DOCK3: variants seen among roughly 807,000 people sequenced by gnomAD.
DOCK3 encodes dedicator of cytokinesis protein 3.
Under a neutral mutation model 265.6 loss-of-function variants are expected in DOCK3, and 60 were observed. The observed-to-expected ratio is 0.23, with a 90% CI of 0.18 to 0.28. The LOEUF is 0.28. Ranked by LOEUF, DOCK3 falls within the 10% of genes least tolerant of loss-of-function variation. The pLI is 1.00. For missense variants in DOCK3, 1,981 were observed against 2,594.3 expected (o/e 0.76, Z 5.14); for synonymous variants, 881 against 938.0 (o/e 0.94, Z 1.11).
chr3:51,267,695 C>A (rs577419243), intron 23 of DOCK3, among the ~76,000 whole-genome samples: 1 of 152,044 alleles, frequency 6.6e-6, no homozygotes, highest in Non-Finnish European at 1.5e-5. Flanking sequence ...CACACACATA[C>A]GTTTATTGCA....
chr3:50,826,663 A>G (rs2044774309), intron 2 of DOCK3, among the ~76,000 whole-genome samples: 1 of 152,192 alleles, frequency 6.6e-6, no homozygotes, highest in Non-Finnish European at 1.5e-5. Flanking sequence ...ATATCCTCTG[A>G]GAGATAAAGG....
intron 49 of DOCK3, among the ~76,000 whole-genome samples, chr3:51,370,818 C>T (rs924508530): frequency 6.6e-6 from 1 of 152,226 alleles, no homozygotes; most frequent in African/African-American, 2.4e-5. Context: ...CACTTGGTGT[C>T]AGATGTCACT....
At chr3:50,745,333 C>G (rs1553645376) in intron 1 of DOCK3, among the ~76,000 whole-genome samples, 1 of 152,104 alleles carries the variant, frequency 6.6e-6, no homozygotes, top group Non-Finnish European at 1.5e-5. Context: ...GGCTGAGCCA[C>G]CGTGCCCGGT....
intron 5 of DOCK3, among the ~76,000 whole-genome samples, chr3:50,984,354 A>G (rs1245716010): frequency 2.0e-5 from 3 of 152,202 alleles, no homozygotes; most frequent in Non-Finnish European, 2.9e-5. Context: ...ATGATGGTAC[A>G]TACCATCCTT....
At chr3:51,278,572 T>C in intron 26 of DOCK3, 1 of 983,638 alleles carries the variant, frequency 1.0e-6, no homozygotes, top group Non-Finnish European at 1.2e-6. Flanking sequence ...TGTCTGCTCC[T>C]TTAGGAGCCT....
intron 3 of DOCK3, among the ~76,000 whole-genome samples, chr3:50,863,965 G>C (rs950874581): frequency 6.6e-6 from 1 of 152,004 alleles, no homozygotes; most frequent in Non-Finnish European, 1.5e-5. Flanking sequence ...CTTTTTCTTT[G>C]GATATGTACC....
At chr3:51,112,832 C>G in intron 9 of DOCK3, among the ~76,000 whole-genome samples, 1 of 152,132 alleles carries the variant, frequency 6.6e-6, no homozygotes, top group East Asian at 1.9e-4. Context: ...CAGGATTTCT[C>G]AGATGATTTC....
intron 3 of DOCK3, among the ~76,000 whole-genome samples, chr3:50,884,151 C>T (rs116238077): frequency 0.019 from 2,861 of 150,866 alleles, 102 homozygotes; most frequent in African/African-American, 0.066. Flanking sequence ...AGTGCAGTGG[C>T]GCCATCTCGC....
chr3:50,707,435 TAAA>T (rs778924258), intron 1 of DOCK3, among the ~76,000 whole-genome samples: 1 of 136,876 alleles, frequency 7.3e-6, no homozygotes, highest in Non-Finnish European at 1.6e-5. Flanking sequence ...AGACTCTGTC[TAAA>T]AAAAAAAAAA....
chr3:51,325,344 A>C (rs1353891657), intron 32 of DOCK3, among the ~76,000 whole-genome samples: 1 of 152,252 alleles, frequency 6.6e-6, no homozygotes, highest in Non-Finnish European at 1.5e-5. Context: ...GAGAAATGCA[A>C]ATCAAAACCG....
intron 5 of DOCK3, among the ~76,000 whole-genome samples, chr3:51,048,547 A>G (rs1232606407): frequency 6.6e-6 from 1 of 152,218 alleles, no homozygotes; most frequent in East Asian, 1.9e-4. Context: ...CCTGAAGGTA[A>G]CTTTGTATAA....
chr3:50,734,156 A>G (rs1222028179), intron 1 of DOCK3, among the ~76,000 whole-genome samples: 1 of 152,156 alleles, frequency 6.6e-6, no homozygotes, highest in African/African-American at 2.4e-5. Context: ...CTACCTACCT[A>G]TCTTTCAAAG....
intron 12 of DOCK3, among the ~76,000 whole-genome samples, chr3:51,171,225 A>G (rs1276585251): frequency 6.6e-6 from 1 of 151,926 alleles, no homozygotes; most frequent in Non-Finnish European, 1.5e-5. Context: ...TTAAGTCTTG[A>G]TAGGTTTTGT....
intron 14 of DOCK3, among the ~76,000 whole-genome samples, chr3:51,222,347 G>A (rs1045954399): frequency 1.3e-5 from 2 of 152,196 alleles, no homozygotes; most frequent in Non-Finnish European, 2.9e-5. Flanking sequence ...GCTGAAGAGT[G>A]GGGGAACCAT....
intron 5 of DOCK3, among the ~76,000 whole-genome samples, chr3:50,998,864 A>T (rs2078373477): frequency 6.6e-6 from 1 of 152,248 alleles, no homozygotes; most frequent in Non-Finnish European, 1.5e-5. Context: ...CAGTGTGATT[A>T]AAAAGATTAC....
chr3:50,969,838 G>A (rs2077142691), intron 5 of DOCK3, among the ~76,000 whole-genome samples: 2 of 152,204 alleles, frequency 1.3e-5, no homozygotes, highest in South Asian at 4.1e-4. Context: ...TTGGGAGGCC[G>A]AGGTGGGCGG....
intron 1 of DOCK3, among the ~76,000 whole-genome samples, chr3:50,699,254 A>G (rs757552868): frequency 2.0e-5 from 3 of 152,120 alleles, no homozygotes; most frequent in Non-Finnish European, 2.9e-5. Flanking sequence ...TGGGTTTTCT[A>G]TTCTGTTTCA....
chr3:50,924,962 C>T (rs530043062), intron 4 of DOCK3, among the ~76,000 whole-genome samples: 2 of 152,328 alleles, frequency 1.3e-5, no homozygotes, highest in East Asian at 3.9e-4. Flanking sequence ...AGGATACCCT[C>T]ATCAGCCCAG....
At chr3:51,096,453 G>A (rs923702967) in intron 9 of DOCK3, among the ~76,000 whole-genome samples, 5 of 151,778 alleles carry the variant, frequency 3.3e-5, no homozygotes, top group South Asian at 2.1e-4. Flanking sequence ...ACTTGTGTAT[G>A]CTTCACGAAG....
Sources: allele counts gnomAD v4.1 joint callset (sites outside exome capture counted in the v4.1 genomes callset), GRCh38; gene constraint gnomAD v4.1.1; transcripts MANE v1.5; gene names NCBI Gene and HGNC (gene_info 2026-07-23, HGNC 2026-07-21).